Variants in KCNIP1 observed in about 807,000 individuals in gnomAD.
The protein encoded by KCNIP1 is potassium voltage-gated channel interacting protein 1.
Under a neutral mutation model 33.0 loss-of-function variants are expected in KCNIP1, and 18 were observed. That is an observed-to-expected ratio of 0.55 (90% CI 0.38 to 0.81). The LOEUF is 0.81. Among genes scored for constraint, KCNIP1 ranks in the 30% least tolerant of loss-of-function variants. The probability of loss-of-function intolerance (pLI) is 0.00; values close to 1 mark genes in which losing one functional copy is unlikely to be tolerated. For missense variants in KCNIP1, 238 were observed against 271.6 expected (o/e 0.88, Z 0.87); for synonymous variants, 93 against 98.3 (o/e 0.95, Z 0.32).
intron 1 of KCNIP1, among the ~76,000 whole-genome samples, chr5:170,440,803 C>T (rs1432646250): frequency 1.3e-5 from 2 of 152,150 alleles, no homozygotes; most frequent in African/African-American, 2.4e-5. Flanking sequence ...ACTGAGATCA[C>T]GATGTACAAA....
At chr5:170,396,513 A>G (rs1306647411) in intron 1 of KCNIP1, among the ~76,000 whole-genome samples, 1 of 152,262 alleles carries the variant, frequency 6.6e-6, no homozygotes, top group Non-Finnish European at 1.5e-5. Flanking sequence ...GACAGAAGCT[A>G]CAGGCAGACA....
At chr5:170,556,789 TG>T (rs943526841) in intron 1 of KCNIP1, among the ~76,000 whole-genome samples, 1 of 152,194 alleles carries the variant, frequency 6.6e-6, no homozygotes, top group African/African-American at 2.4e-5. Context: ...CAGGAGCACT[TG>T]GGAGGCCCCA....
intron 1 of KCNIP1, among the ~76,000 whole-genome samples, chr5:170,392,074 T>C (rs368761903): frequency 6.6e-6 from 1 of 151,554 alleles, no homozygotes; most frequent in Admixed American, 6.6e-5. Flanking sequence ...GGGGCTCGAG[T>C]TCCCCCCACA....
At chr5:170,403,134 T>C (rs1323218424) in intron 1 of KCNIP1, among the ~76,000 whole-genome samples, 1 of 152,096 alleles carries the variant, frequency 6.6e-6, no homozygotes, top group East Asian at 1.9e-4. Context: ...ATTTGTCCCT[T>C]TGGAGAATGG....
intron 1 of KCNIP1, chr5:170,378,336 TG>T (rs772113831): frequency 1.6e-4 from 31 of 192,572 alleles, no homozygotes; most frequent in Non-Finnish European, 2.3e-4. Context: ...TGGGGGAGGA[TG>T]GGTACCGCTT....
chr5:170,534,568 A>C (rs1755903432), intron 1 of KCNIP1, among the ~76,000 whole-genome samples: 1 of 152,104 alleles, frequency 6.6e-6, no homozygotes, highest in Admixed American at 6.5e-5. Flanking sequence ...CCCAGGATGG[A>C]GTGCAGTGAT....
rs571852285 is a variant in KCNIP1 at position 170,492,556 on chromosome 5, T to A, written c.88+138592T>A. Reference sequence around the variant, plus strand: ...CAGCCTCTTCCTTCTCTCCAGAAGTTGGGGATGGGGCTGAAAGTCTCAAGC... The same window carrying A: ...CAGCCTCTTCCTTCTCTCCAGAAGTAGGGGATGGGGCTGAAAGTCTCAAGC... On this transcript the variant is annotated intron_variant, in intron 1 of 7. Coordinates refer to the KCNIP1 transcript ENST00000377360. Among the ~76,000 whole-genome samples the A allele has an allele frequency of 3.3e-5, 5 of 152,174 alleles. No individual in the cohort carries two copies. In the East Asian group the frequency reaches 5.8e-4, roughly 18 times the overall value.
chr5:170,475,181 C>T (rs976537977), intron 1 of KCNIP1, among the ~76,000 whole-genome samples: 1 of 152,214 alleles, frequency 6.6e-6, no homozygotes, highest in South Asian at 2.1e-4. Flanking sequence ...TTACAATCCC[C>T]TTGTAAGACA....
intron 1 of KCNIP1, among the ~76,000 whole-genome samples, chr5:170,449,198 C>T (rs1370922080): frequency 3.3e-5 from 5 of 152,230 alleles, no homozygotes; most frequent in African/African-American, 4.8e-5. Flanking sequence ...ACATTTATTA[C>T]ACTCAAACTT....
At chr5:170,362,198 C>G (rs562922675) in intron 1 of KCNIP1, among the ~76,000 whole-genome samples, 1 of 152,136 alleles carries the variant, frequency 6.6e-6, no homozygotes, top group Non-Finnish European at 1.5e-5. Flanking sequence ...GAGCTTCAGA[C>G]GGGGGACCGG....
chr5:170,432,933 TG>T (rs35778015), intron 1 of KCNIP1, among the ~76,000 whole-genome samples: 4,806 of 152,112 alleles, frequency 0.032, 213 homozygotes, highest in African/African-American at 0.098. Context: ...ACAAAGGAAG[TG>T]GGGCCTGGTC....
At position 170,390,821 on chromosome 5, in the gene KCNIP1, C is replaced by A. The variant is rs1407684222; in HGVS notation, c.88+36857C>A. Among the ~76,000 whole-genome samples the A allele has an allele frequency of 3.3e-5, 5 of 152,168 alleles. No individual in the cohort carries two copies. The East Asian group carries it at 7.8e-4, about 24-fold the overall frequency. On this transcript the variant is annotated intron_variant, in intron 1 of 7. Coordinates refer to the KCNIP1 transcript ENST00000377360. The stretch of plus-strand genomic sequence containing the variant: ...TCATACAGTAAGCTGCCACCTGAGG[C>A]TCTGGAGGTCACCCTGAGTTTCCCC...
At chr5:170,383,661 A>G (rs755393523) in intron 1 of KCNIP1, 2 of 1,613,918 alleles carry the variant, frequency 1.2e-6, no homozygotes, top group South Asian at 1.1e-5. Context: ...ATGTGTCCCC[A>G]TCCCTCCAGT....
chr5:170,468,254 T>C (rs1188428334), intron 1 of KCNIP1, among the ~76,000 whole-genome samples: 2 of 152,158 alleles, frequency 1.3e-5, no homozygotes, highest in Admixed American at 6.5e-5. Flanking sequence ...TGTTAGACAA[T>C]TGAAGTACTT....
intron 5 of KCNIP1, among the ~76,000 whole-genome samples, chr5:170,731,603 G>A (rs183783081): frequency 7.9e-5 from 12 of 151,802 alleles, no homozygotes; most frequent in Non-Finnish European, 1.5e-4. Flanking sequence ...GCTGAGGCGG[G>A]AGGATCACTT....
At chr5:170,706,301 T>C (rs551793763) in intron 1 of KCNIP1, among the ~76,000 whole-genome samples, 1 of 152,226 alleles carries the variant, frequency 6.6e-6, no homozygotes, top group Non-Finnish European at 1.5e-5. Flanking sequence ...GTTAAACATG[T>C]GCCAGCTATT....
intron 1 of KCNIP1, among the ~76,000 whole-genome samples, chr5:170,462,537 TA>T (rs1375261851): frequency 6.6e-6 from 1 of 152,176 alleles, no homozygotes; most frequent in Non-Finnish European, 1.5e-5. Flanking sequence ...GGTGAAAATG[TA>T]AAACTAGTAC....
intron 1 of KCNIP1, among the ~76,000 whole-genome samples, chr5:170,508,308 A>G (rs568880223): frequency 5.9e-5 from 9 of 152,236 alleles, no homozygotes; most frequent in Non-Finnish European, 1.3e-4. Flanking sequence ...TTCTAAGGCC[A>G]CACGGTGAGT....
At chr5:170,729,695 T>C (rs184928135) in intron 5 of KCNIP1, among the ~76,000 whole-genome samples, 1 of 152,218 alleles carries the variant, frequency 6.6e-6, no homozygotes, top group East Asian at 1.9e-4. Flanking sequence ...TTATCACTTA[T>C]CTATTAAATT....
Sources: gnomAD v4.1 joint callset for allele counts (sites outside exome capture counted in the v4.1 genomes callset) on GRCh38, gnomAD v4.1.1 for gene constraint, MANE v1.5 for transcripts, NCBI Gene and HGNC (gene_info 2026-07-23, HGNC 2026-07-21) for gene names.